The following CPAMD8 variants were observed in gnomAD, a reference collection of about 807,000 sequenced individuals.
The protein encoded by CPAMD8 is C3 and PZP-like alpha-2-macroglobulin domain-containing protein 8.
A neutral mutation model predicts 224.7 loss-of-function variants in CPAMD8; 146 were observed. That is an observed-to-expected ratio of 0.65 (90% confidence interval 0.57 to 0.75). The LOEUF (loss-of-function observed/expected upper bound fraction) is 0.75, where lower values mean the gene tolerates loss of function less well. Ranked by LOEUF, CPAMD8 falls within the 30% of genes least tolerant of loss-of-function variation. The pLI, the probability that CPAMD8 is intolerant of heterozygous loss-of-function variation, is 0.00. For missense variants in CPAMD8, 2,301 were observed against 2,537.5 expected, an observed-to-expected ratio of 0.91 and a Z score of 2.00; for synonymous variants, 966 against 1,044.6, an observed-to-expected ratio of 0.92 and a Z score of 1.45.
At chr19:16,948,084 A>C (rs1279436302) in intron 20 of CPAMD8, among the ~76,000 whole-genome samples, 3 of 152,144 alleles carry the variant, frequency 2.0e-5, no homozygotes, top group Non-Finnish European at 4.4e-5. Context: ...GGGTGTGTGC[A>C]TGTGCATTGT....
rs765554864 is a variant in CPAMD8, at chr19:16,947,063, G to A, written c.2662+11C>T. On this transcript the variant is annotated intron_variant, in intron 21 of 41. Transcript: ENST00000443236. ...AGAGGGGGGACACCCCAAGAACTGT[G>A]GGGTCCTCACCCGTGATGTTGTTGA... 6.9e-6 allele frequency: 11 copies of A among 1,591,030 alleles called. No homozygotes were observed. The highest frequency in any genetic ancestry group is 1.3e-5 in the African/African-American group (1 of 74,256).
chr19:16,997,029 C>T, intron 11 of CPAMD8, 82 bp downstream of exon 11: 6 of 863,156 alleles, frequency 7.0e-6, no homozygotes, highest in South Asian at 1.4e-5. Flanking sequence ...TCAGCTGAGT[C>T]ACCACTGCAG....
chr19:16,968,205 T>C (rs2054926016), intron 18 of CPAMD8, among the ~76,000 whole-genome samples: 1 of 152,014 alleles, frequency 6.6e-6, no homozygotes, highest in African/African-American at 2.4e-5. Flanking sequence ...TCCAATCACA[T>C]CTTGAAATGC....
intron 12 of CPAMD8, 64 bp downstream of exon 12, chr19:16,993,352 C>A: frequency 1.4e-6 from 2 of 1,443,626 alleles, no homozygotes; most frequent in Admixed American, 3.9e-5. Flanking sequence ...CTGCACCCAG[C>A]CTGGGGGAGG....
chr19:16,946,169 T>A (rs34156070), intron 21 of CPAMD8, among the ~76,000 whole-genome samples: 55,865 of 150,232 alleles, frequency 0.37, 11,336 homozygotes, highest in African/African-American at 0.56. Context: ...CATGTGTGTG[T>A]GTATGATTTG....
chr19:16,911,916 T>C (rs2052743733), intron 29 of CPAMD8, among the ~76,000 whole-genome samples: 1 of 152,100 alleles, frequency 6.6e-6, no homozygotes, highest in Admixed American at 6.6e-5. Context: ...TGACTTCAAG[T>C]GATCTGCCTG....
At chr19:16,924,722 A>C (rs2053295936) in intron 26 of CPAMD8, among the ~76,000 whole-genome samples, 1 of 152,168 alleles carries the variant, frequency 6.6e-6, no homozygotes, top group Non-Finnish European at 1.5e-5. Context: ...CTGGGACTAC[A>C]GGGGTGTGCC....
intron 41 of CPAMD8, chr19:16,895,528 G>A (rs116000958): frequency 9.1e-6 from 2 of 219,226 alleles, no homozygotes; most frequent in African/African-American, 2.3e-5. Flanking sequence ...AGGTGTTGAG[G>A]GGAGAGATGA....
chr19:16,996,948 T>C (rs1223873916), intron 11 of CPAMD8, among the ~76,000 whole-genome samples, 163 bp downstream of exon 11: 1 of 151,424 alleles, frequency 6.6e-6, no homozygotes, highest in East Asian at 1.9e-4. Flanking sequence ...TGGAGGAAAA[T>C]GTCCCCTGCC....
chr19:17,000,218 C>T (rs2056265673), intron 10 of CPAMD8, 196 bp downstream of exon 10: 1 of 453,648 alleles, frequency 2.2e-6, no homozygotes, highest in Non-Finnish European at 3.9e-6. Flanking sequence ...CTTTTGGGGG[C>T]AAAGGCGAGA....
chr19:16,931,413 CCTATGCCACCTGT>C (rs1220593451), intron 23 of CPAMD8, among the ~76,000 whole-genome samples: 1 of 152,196 alleles, frequency 6.6e-6, no homozygotes, highest in Non-Finnish European at 1.5e-5. Context: ...CACACACCTG[CCTATGCCACCTGT>C]GGGCAAGGAG....
At chr19:16,900,954 C>A (rs1215222687) in intron 36 of CPAMD8, among the ~76,000 whole-genome samples, 2 of 148,346 alleles carry the variant, frequency 1.3e-5, no homozygotes, top group East Asian at 4.0e-4. Flanking sequence ...CAAGGCTCCA[C>A]TGGGAATTTG....
intron 27 of CPAMD8, 124 bp from the exon 28 acceptor site, chr19:16,914,937 A>G: frequency 2.9e-6 from 2 of 691,512 alleles, no homozygotes; most frequent in Non-Finnish European, 4.9e-6. Context: ...ATAAGATGGG[A>G]GGGGTCCCAT....
intron 20 of CPAMD8, among the ~76,000 whole-genome samples, chr19:16,950,855 T>C (rs1007429612): frequency 9.1e-5 from 13 of 142,570 alleles, no homozygotes; most frequent in Non-Finnish European, 2.0e-4. Flanking sequence ...AGATTCTCCC[T>C]CAGGGCCTCC....
chr19:16,974,070 C>T (rs191814264), intron 17 of CPAMD8, among the ~76,000 whole-genome samples: 67 of 151,832 alleles, frequency 4.4e-4, no homozygotes, highest in Admixed American at 1.4e-3. Context: ...CCTTGTGATC[C>T]GCCCACCTCA....
At chr19:16,972,660 T>C in intron 17 of CPAMD8, among the ~76,000 whole-genome samples, 1 of 152,042 alleles carries the variant, frequency 6.6e-6, no homozygotes, top group East Asian at 1.9e-4. Context: ...GGTCTCGATC[T>C]CCTGACCTCG....
chr19:16,900,667 C>G lies in CPAMD8; in HGVS notation c.4773+543G>C, dbSNP rs1372407611. Among the ~76,000 whole-genome samples, 3 of 152,092 alleles carry G rather than the reference C, an allele frequency of 2.0e-5. No individual in the cohort carries two copies. The East Asian group carries it at 5.8e-4, about 29-fold the overall frequency. ...CCACCTGTTGGAGCAGCCCCCACCT[C>G]ACCCCATCTACTCCTCAGTAGACAG... On this transcript the variant is annotated intron_variant, in intron 36 of 41. Coordinates refer to ENST00000443236, the MANE Select transcript of CPAMD8 (RefSeq NM_015692.5).
intron 11 of CPAMD8, among the ~76,000 whole-genome samples, chr19:16,993,864 G>A (rs2056040528): frequency 6.6e-6 from 1 of 152,180 alleles, no homozygotes; most frequent in Non-Finnish European, 1.5e-5. Flanking sequence ...GAAGCCGGAT[G>A]CAGTGGCTCA....
At chr19:16,950,793 GAAAAAAAAAAA>G (rs757775739) in intron 20 of CPAMD8, among the ~76,000 whole-genome samples, 5 of 45,886 alleles carry the variant, frequency 1.1e-4, no homozygotes, top group African/African-American at 4.3e-4. Context: ...ACCCTGTCTC[GAAAAAAAAAAA>G]AAAAAAAAAA....
Sources: allele counts gnomAD v4.1 joint callset (sites outside exome capture counted in the v4.1 genomes callset), GRCh38; gene constraint gnomAD v4.1.1; transcripts MANE v1.5; gene names NCBI Gene and HGNC (gene_info 2026-07-23, HGNC 2026-07-21).